TEC: variants seen among roughly 807,000 people sequenced by gnomAD.
TEC encodes tyrosine-protein kinase Tec.
A neutral mutation model predicts 93.0 loss-of-function variants in TEC; 72 were observed. That is an observed-to-expected ratio of 0.77 (90% CI 0.64 to 0.94). TEC has a LOEUF of 0.94. TEC is among the 40% of genes least tolerant of loss of function. The probability of loss-of-function intolerance (pLI) is 0.00; values close to 1 mark genes in which losing one functional copy is unlikely to be tolerated. For synonymous variants in TEC, 249 were observed against 247.7 expected, an observed-to-expected ratio of 1.01 and a Z score of -0.05; for missense variants, 630 against 757.9, an observed-to-expected ratio of 0.83 and a Z score of 1.98.
At chr4:48,178,791 G>A (rs1200717367) in intron 2 of TEC, among the ~76,000 whole-genome samples, 1 of 152,060 alleles carries the variant, frequency 6.6e-6, no homozygotes, top group Non-Finnish European at 1.5e-5. Flanking sequence ...ATCCAAACCG[G>A]GAAGCATGCT....
At position 48,213,978 on chromosome 4, in the gene TEC, C is replaced by A. The variant is rs55806457; in HGVS notation, c.138+14499G>T. Among the ~76,000 whole-genome samples the A allele has an allele frequency of 8.0e-3, 1,222 of 152,076 alleles. 5 individuals are homozygous for A. The highest frequency in any genetic ancestry group is 0.012 in the Non-Finnish European group (795 of 67,994). ...GCTGTTTCTAAATTTAAATAATGCA[C>A]CACTTCAAAAAATAAAATGGAACAA... On this transcript the variant is annotated intron_variant, in intron 2 of 17. Transcript: ENST00000381501.
intron 1 of TEC, among the ~76,000 whole-genome samples, chr4:48,239,010 A>AAGT (rs1723859889): frequency 6.6e-6 from 1 of 152,218 alleles, no homozygotes; most frequent in Non-Finnish European, 1.5e-5. Flanking sequence ...TGTGAGAGAC[A>AAGT]AGTATATTTC....
chr4:48,262,856 G>A (rs747092945), intron 1 of TEC, among the ~76,000 whole-genome samples: 2 of 152,144 alleles, frequency 1.3e-5, no homozygotes, highest in Non-Finnish European at 1.5e-5. Flanking sequence ...TGTCACAATC[G>A]CCAGCACTCC....
chr4:48,142,918 G>A (rs1463535568), intron 14 of TEC, among the ~76,000 whole-genome samples: 1 of 152,192 alleles, frequency 6.6e-6, no homozygotes, highest in East Asian at 1.9e-4. Context: ...TCTTGACTTC[G>A]TGATCCGCCC....
intron 2 of TEC, among the ~76,000 whole-genome samples, chr4:48,186,048 A>G (rs1308515433): frequency 2.6e-5 from 4 of 152,182 alleles, no homozygotes; most frequent in Admixed American, 2.0e-4. Context: ...TGGTGGAGAC[A>G]GGGTTTCGCC....
chr4:48,173,893 C>T (rs574223811), intron 3 of TEC, among the ~76,000 whole-genome samples: 1 of 152,222 alleles, frequency 6.6e-6, no homozygotes, highest in African/African-American at 2.4e-5. Flanking sequence ...TGTGGATTCC[C>T]CACCATTCTC....
At chr4:48,167,733 TCCCACCTA>T (rs776856851) in intron 7 of TEC, 37 bp downstream of exon 7, 2 of 1,579,594 alleles carry the variant, frequency 1.3e-6, no homozygotes, top group Admixed American at 3.4e-5. Context: ...AACACTTGAC[TCCCACCTA>T]CCCACTGCAT....
intron 1 of TEC, among the ~76,000 whole-genome samples, chr4:48,261,249 T>C (rs1348194634): frequency 2.0e-5 from 3 of 152,232 alleles, no homozygotes; most frequent in African/African-American, 7.2e-5. Flanking sequence ...TACCTAAATT[T>C]ACATGTCTGA....
At chr4:48,171,227 A>T in intron 4 of TEC, 141 bp downstream of exon 4, 1 of 673,834 alleles carries the variant, frequency 1.5e-6, no homozygotes, top group Non-Finnish European at 2.4e-6. Flanking sequence ...ACTTACAACA[A>T]CAGCATATCC....
At chr4:48,255,427 C>A (rs1247140246) in intron 1 of TEC, among the ~76,000 whole-genome samples, 1 of 152,184 alleles carries the variant, frequency 6.6e-6, no homozygotes, top group African/African-American at 2.4e-5. Context: ...TTGGCCAAGG[C>A]TGAATCACAT....
At chr4:48,164,151 C>T (rs1720784687) in intron 7 of TEC, among the ~76,000 whole-genome samples, 1 of 152,180 alleles carries the variant, frequency 6.6e-6, no homozygotes, top group Non-Finnish European at 1.5e-5. Context: ...CCAGAATTCA[C>T]AGTTTTGCTG....
Position 48,185,071 on chromosome 4 carries a change from G to A in TEC, c.139-8885C>T, listed in dbSNP as rs565264218. 2.1e-3 allele frequency among the ~76,000 whole-genome samples: 316 copies of A among 152,158 alleles called. 8 individuals are homozygous for A. Among genetic ancestry groups the A allele is most frequent in the Non-Finnish European group, 1.2e-3 (81 of 67,992 alleles). ...TTGAAAACACACACACACACAATCC[G>A]TTGCCCTTATGGAATGTACAAAAAC... On this transcript the variant is annotated intron_variant, in intron 2 of 17. Transcript: ENST00000381501.
intron 2 of TEC, among the ~76,000 whole-genome samples, chr4:48,179,467 C>T (rs1213033088): frequency 7.0e-6 from 1 of 142,614 alleles, no homozygotes; most frequent in Non-Finnish European, 1.5e-5. Context: ...TGGCTCACTG[C>T]AACCTCTGCC....
chr4:48,184,207 G>C (rs1721709688), intron 2 of TEC, among the ~76,000 whole-genome samples: 2 of 152,150 alleles, frequency 1.3e-5, no homozygotes, highest in Admixed American at 6.5e-5. Context: ...TCAATACATA[G>C]AGAGTATAAT....
intron 17 of TEC, among the ~76,000 whole-genome samples, chr4:48,138,261 G>T (rs1431059688): frequency 6.6e-6 from 1 of 152,150 alleles, no homozygotes; most frequent in Non-Finnish European, 1.5e-5. Context: ...CTTTTAGGAG[G>T]TAACATTTCA....
At chr4:48,140,599 C>T (rs1719618096) in intron 15 of TEC, among the ~76,000 whole-genome samples, 1 of 152,208 alleles carries the variant, frequency 6.6e-6, no homozygotes, top group Admixed American at 6.5e-5. Context: ...GACTCTGCAT[C>T]TGTAGCAGGA....
intron 15 of TEC, among the ~76,000 whole-genome samples, chr4:48,140,069 T>C (rs956949303): frequency 6.6e-6 from 1 of 152,248 alleles, no homozygotes; most frequent in Non-Finnish European, 1.5e-5. Flanking sequence ...ATATAGTATC[T>C]GTATATAAAA....
intron 2 of TEC, among the ~76,000 whole-genome samples, chr4:48,190,113 A>G (rs1722039707): frequency 6.6e-6 from 1 of 152,226 alleles, no homozygotes; most frequent in Non-Finnish European, 1.5e-5. Flanking sequence ...ATTTGTCTTA[A>G]GTACTTTTCC....
At position 48,145,430 on chromosome 4, in the gene TEC, T is replaced by C; in HGVS notation, c.1231A>G (p.Ile411Val). 1.9e-6 allele frequency: 3 copies of C among 1,614,172 alleles called. No individual in the cohort carries two copies. The highest frequency in any genetic ancestry group is 1.3e-5 in the African/African-American group (1 of 75,044). The change falls in exon 13 of 18, where the codon ATA (isoleucine) becomes GTA (valine). Residue 411 changes from isoleucine to valine, a missense_variant. Physicochemically the swap from Ile to Val is conservative, Grantham distance 29. This residue lies in a region of TEC where 289 missense variants were observed against 390.0 expected (regional missense o/e 0.74). Coordinates refer to ENST00000381501, the MANE Select transcript of TEC (RefSeq NM_003215.3). Reference protein sequence around the residue: ...REGAMCEEDFIEEAKVMMKLT... With the variant: ...REGAMCEEDFVEEAKVMMKLT... ...TACATCATCACTTTAGCTTCTTCTA[T>C]AAAGTCCTCCTCGCACATTGCACCT...
Sources: allele counts gnomAD v4.1 joint callset (sites outside exome capture counted in the v4.1 genomes callset), GRCh38; gene constraint gnomAD v4.1.1; regional missense constraint gnomAD v4.1.1; transcripts MANE v1.5; gene names NCBI Gene and HGNC (gene_info 2026-07-23, HGNC 2026-07-21).